OSBPL8: variants seen among roughly 807,000 people sequenced by gnomAD.
OSBPL8 encodes the protein oxysterol-binding protein-related protein 8.
A neutral mutation model predicts 125.5 loss-of-function variants in OSBPL8; 59 were observed. That is an observed-to-expected ratio of 0.47 (90% CI 0.38 to 0.58). The LOEUF (loss-of-function observed/expected upper bound fraction) is 0.58. Ranked by LOEUF, OSBPL8 falls within the 20% of genes least tolerant of loss-of-function variation. The pLI is 0.00. For missense variants in OSBPL8, 758 were observed against 1,047.8 expected (o/e 0.72, Z 3.82); for synonymous variants, 330 against 338.9 (o/e 0.97, Z 0.29).
rs1305217631 is a variant in OSBPL8, at chr12:76,352,490, G to T, written c.*3399C>A. The T allele has an allele frequency of 2.0e-5, 3 of 152,460 alleles. No individual in the cohort carries two copies. Among genetic ancestry groups the T allele is most frequent in the African/African-American group, 7.2e-5 (3 of 41,402 alleles). The allele number at this position is 152,460 out of a possible 1,614,324, so 9.4% of individuals were successfully genotyped here. Reference sequence around the variant, plus strand: ...ATGAAACCAAATTACATAATGGCAGGTTATACATTTTAAAGAATCTCTTTC... The same window carrying T: ...ATGAAACCAAATTACATAATGGCAGTTTATACATTTTAAAGAATCTCTTTC... On this transcript the variant is annotated 3_prime_UTR_variant, in exon 24 of 24. Coordinates refer to ENST00000261183, the MANE Select transcript of OSBPL8 (RefSeq NM_020841.5).
intron 1 of OSBPL8, among the ~76,000 whole-genome samples, chr12:76,535,168 T>G (rs1950456677): frequency 6.6e-6 from 1 of 152,096 alleles, no homozygotes; most frequent in Non-Finnish European, 1.5e-5. Context: ...TTTAAAAAGT[T>G]TTTAAAAAAG....
rs1343558695 is a variant in OSBPL8 at position 76,352,676 on chromosome 12, A to G, written c.*3213T>C. The G allele has an allele frequency of 6.6e-6, 1 of 152,574 alleles. No individual in the cohort carries two copies. The highest frequency in any genetic ancestry group is 1.5e-5 in the Non-Finnish European group (1 of 67,966). The allele number at this position is 152,574 out of a possible 1,614,324, so 9.5% of individuals were successfully genotyped here. A position where few individuals can be genotyped will look rare whatever the true frequency, so the allele number is the denominator to read the frequency against. On this transcript the variant is annotated 3_prime_UTR_variant, in exon 24 of 24. Transcript: ENST00000261183. Reference sequence around the variant, plus strand: ...CTGCAGTCTCATGTATGGCTTATCAATAATGCCATCATCACTGTATGTCAA... The same window carrying G: ...CTGCAGTCTCATGTATGGCTTATCAGTAATGCCATCATCACTGTATGTCAA...
At chr12:76,400,077 TG>T in intron 6 of OSBPL8, 103 bp from the exon 7 acceptor site, 2 of 780,630 alleles carry the variant, frequency 2.6e-6, no homozygotes, top group Non-Finnish European at 4.0e-6. Context: ...GGTAAACCTG[TG>T]TCATGGGGTT....
intron 4 of OSBPL8, among the ~76,000 whole-genome samples, chr12:76,431,287 C>CAA (rs201755091): frequency 8.2e-6 from 1 of 122,206 alleles, no homozygotes; most frequent in Admixed American, 7.9e-5. Flanking sequence ...ACACCACTGC[C>CAA]AAAAAAAGAA....
At chr12:76,407,661 A>G (rs1021468491) in intron 5 of OSBPL8, among the ~76,000 whole-genome samples, 1 of 152,386 alleles carries the variant, frequency 6.6e-6, no homozygotes, top group African/African-American at 2.4e-5. Flanking sequence ...CTCTTGGAAA[A>G]TAATATGATG....
At chr12:76,367,894 T>A (rs926029089) in intron 21 of OSBPL8, among the ~76,000 whole-genome samples, 24 of 152,250 alleles carry the variant, frequency 1.6e-4, no homozygotes, top group Admixed American at 1.6e-3. Context: ...ATTGTATGTC[T>A]GATAACAAAG....
rs913584556 is a variant in OSBPL8, at chr12:76,352,384, AAACT to A, written c.*3501_*3504del. 37 of 152,692 alleles carry A rather than the reference AAACT, an allele frequency of 2.4e-4. No individual in the cohort carries two copies. The highest frequency in any genetic ancestry group is 8.4e-4 in the African/African-American group (35 of 41,572). The allele number at this position is 152,692 out of a possible 1,614,324, so 9.5% of individuals were successfully genotyped here. A position where few individuals can be genotyped will look rare whatever the true frequency, so the allele number is the denominator to read the frequency against. On this transcript the variant is annotated 3_prime_UTR_variant, in exon 24 of 24. Transcript: ENST00000261183. ...ATTTCAACAGTCCATCTTCAATTAA[AAACT>A]AACAAAAATAAACAGTATGTAAAGA...
rs1804145885 is a variant in OSBPL8, at chr12:76,367,122, A to C, written c.2328+2092T>G. The stretch of plus-strand genomic sequence containing the variant: ...TATTGATCTTCTATCTAGAGGTTCT[A>C]CCCATTATTAAAAGTAGTTTACTGA... On this transcript the variant is annotated intron_variant, in intron 21 of 23. Coordinates refer to ENST00000261183, the MANE Select transcript of OSBPL8 (RefSeq NM_020841.5). Among the ~76,000 whole-genome samples the C allele has an allele frequency of 2.0e-5, 3 of 151,988 alleles. No homozygotes were observed. The South Asian group carries it at 6.2e-4, about 32-fold the overall frequency.
At chr12:76,406,550 T>G (rs1053152897) in intron 5 of OSBPL8, among the ~76,000 whole-genome samples, 1 of 152,210 alleles carries the variant, frequency 6.6e-6, no homozygotes, top group Non-Finnish European at 1.5e-5. Flanking sequence ...GATAATCTGA[T>G]TAACCGACTT....
At chr12:76,417,819 C>A (rs1592644432) in intron 4 of OSBPL8, among the ~76,000 whole-genome samples, 1 of 152,090 alleles carries the variant, frequency 6.6e-6, no homozygotes, top group Non-Finnish European at 1.5e-5. Context: ...ACTCTAATAT[C>A]CAAGAAGCCT....
At chr12:76,457,241 C>T (rs1298312066) in intron 3 of OSBPL8, among the ~76,000 whole-genome samples, 1 of 152,088 alleles carries the variant, frequency 6.6e-6, no homozygotes, top group Non-Finnish European at 1.5e-5. Context: ...ACGGTATGTA[C>T]TAGTTAATGT....
intron 18 of OSBPL8, among the ~76,000 whole-genome samples, chr12:76,373,093 T>A (rs1463253869): frequency 1.3e-5 from 2 of 152,190 alleles, no homozygotes; most frequent in African/African-American, 4.8e-5. Flanking sequence ...ATGAGTAACA[T>A]TCTTAAATAA....
intron 1 of OSBPL8, among the ~76,000 whole-genome samples, chr12:76,510,875 C>G: frequency 7.2e-6 from 1 of 139,228 alleles, no homozygotes; most frequent in Non-Finnish European, 1.6e-5. Context: ...GAGTGAAACC[C>G]CATCTCAAAA....
chr12:76,373,548 G>A (rs1039729743), intron 17 of OSBPL8, 115 bp from the exon 18 acceptor site: 2 of 535,350 alleles, frequency 3.7e-6, no homozygotes, highest in Admixed American at 3.7e-5. Flanking sequence ...ACTATTGAAT[G>A]CACAAGCAGT....
chr12:76,415,189 G>A (rs936488734), intron 4 of OSBPL8, among the ~76,000 whole-genome samples: 1 of 151,450 alleles, frequency 6.6e-6, no homozygotes, highest in African/African-American at 2.4e-5. Flanking sequence ...GGTAGAACTC[G>A]GTATCTACCT....
At chr12:76,479,143 G>T (rs930703318) in intron 2 of OSBPL8, among the ~76,000 whole-genome samples, 15 of 152,146 alleles carry the variant, frequency 9.9e-5, no homozygotes, top group African/African-American at 3.1e-4. Flanking sequence ...AAGCTATAAA[G>T]TGGCAAAAGA....
chr12:76,537,629 C>A (rs987663877), intron 1 of OSBPL8, among the ~76,000 whole-genome samples: 2 of 152,250 alleles, frequency 1.3e-5, no homozygotes, highest in Non-Finnish European at 2.9e-5. Context: ...GGACAACAGG[C>A]CAGGCACGGT....
At chr12:76,489,176 G>T (rs1455687300) in intron 1 of OSBPL8, among the ~76,000 whole-genome samples, 1 of 152,224 alleles carries the variant, frequency 6.6e-6, no homozygotes, top group Non-Finnish European at 1.5e-5. Context: ...TTTAAGGAAA[G>T]AAGCCATCTC....
intron 21 of OSBPL8, chr12:76,366,424 C>T (rs1952416346): frequency 7.3e-6 from 2 of 272,536 alleles, no homozygotes; most frequent in South Asian, 7.3e-5. Context: ...TCATTTGTGT[C>T]TTCTTTCTTG....
Sources: allele counts gnomAD v4.1 joint callset (sites outside exome capture counted in the v4.1 genomes callset), GRCh38; gene constraint gnomAD v4.1.1; transcripts MANE v1.5; gene names NCBI Gene and HGNC (gene_info 2026-07-23, HGNC 2026-07-21).